Variants in RBFOX3 observed in about 807,000 individuals in gnomAD.
RBFOX3 encodes the protein RNA binding fox-1 homolog 3, also known as RNA binding protein fox-1 homolog 3.
Under a neutral mutation model 48.7 loss-of-function variants are expected in RBFOX3, and 17 were observed. The observed-to-expected ratio is 0.35, with a 90% CI of 0.24 to 0.52. RBFOX3 has a LOEUF of 0.52. Among genes scored for constraint, RBFOX3 ranks in the 20% least tolerant of loss-of-function variants. The pLI is 0.94. For synonymous variants in RBFOX3, 212 were observed against 209.5 expected, an observed-to-expected ratio of 1.01 and a Z score of -0.10; for missense variants, 382 against 497.5, an observed-to-expected ratio of 0.77 and a Z score of 2.21.
At chr17:79,190,432 C>CAAA (rs58432390) in intron 4 of RBFOX3, among the ~76,000 whole-genome samples, 1 of 114,736 alleles carries the variant, frequency 8.7e-6, no homozygotes, top group Non-Finnish European at 1.8e-5. Context: ...AAAAAAAAAA[C>CAAA]AAAAAAACAG....
At chr17:79,152,108 C>A (rs1423589021) in intron 4 of RBFOX3, among the ~76,000 whole-genome samples, 4 of 152,040 alleles carry the variant, frequency 2.6e-5, no homozygotes, top group Non-Finnish European at 4.4e-5. Context: ...TGGACTAGAG[C>A]CAGTCTCAAC....
chr17:79,569,160 T>A (rs879083453), intron 1 of RBFOX3, among the ~76,000 whole-genome samples: 102,160 of 151,818 alleles, frequency 0.67, 34,873 homozygotes, highest in East Asian at 0.94. Context: ...TATCAAATGT[T>A]GTGCACCCAT....
At chr17:79,563,001 G>T (rs972135189) in intron 1 of RBFOX3, among the ~76,000 whole-genome samples, 5 of 152,224 alleles carry the variant, frequency 3.3e-5, no homozygotes, top group African/African-American at 1.2e-4. Flanking sequence ...TGGAGATGAG[G>T]CCCTGTGCCA....
At position 79,303,123 on chromosome 17, in the gene RBFOX3, C is replaced by T. The variant is rs116676518; in HGVS notation, c.-74+4601G>A. On this transcript the variant is annotated intron_variant, in intron 3 of 14. Transcript: ENST00000693108. ...ACTTGGGAGGCTGAGGTCGGAGGAT[C>T]GCTTGGGCCTAGGGGTAGAGGCTGT... is the stretch of plus-strand genomic sequence containing the variant. Among the ~76,000 whole-genome samples, 494 of 152,228 alleles carry T rather than the reference C, an allele frequency of 3.2e-3. 4 individuals carry two copies. Among genetic ancestry groups the T allele is most frequent in the African/African-American group, 0.011 (473 of 41,524 alleles).
chr17:79,290,729 A>G (rs1353739958), intron 3 of RBFOX3, among the ~76,000 whole-genome samples: 2 of 152,196 alleles, frequency 1.3e-5, no homozygotes, highest in Admixed American at 1.3e-4. Context: ...GCAGACGGAC[A>G]GGCATAGTTA....
the RBFOX3 span, among the ~76,000 whole-genome samples, chr17:79,620,218 G>A: frequency 3.7e-5 from 4 of 108,770 alleles, no homozygotes; most frequent in Admixed American, 2.9e-4. Flanking sequence ...TGCACACACA[G>A]GGACATGCAC....
At chr17:79,359,065 G>C (rs2085790282) in intron 2 of RBFOX3, among the ~76,000 whole-genome samples, 1 of 152,190 alleles carries the variant, frequency 6.6e-6, no homozygotes, top group Admixed American at 6.5e-5. Context: ...ACCAGGCCAG[G>C]TGTATCCATC....
At chr17:79,317,616 C>T (rs569764275) in intron 2 of RBFOX3, among the ~76,000 whole-genome samples, 7 of 152,310 alleles carry the variant, frequency 4.6e-5, no homozygotes, top group African/African-American at 1.7e-4. Context: ...TGGTCTCAAA[C>T]TCAAAGGGGA....
chr17:79,405,893 C>T (rs1439162663), intron 2 of RBFOX3, among the ~76,000 whole-genome samples: 2 of 152,228 alleles, frequency 1.3e-5, no homozygotes, highest in African/African-American at 4.8e-5. Context: ...CACTGTTTTC[C>T]ACCACCTCTG....
At position 79,195,897 on chromosome 17, in the gene RBFOX3, TAGA is replaced by T. The variant is rs371767155; in HGVS notation, c.-34+39866_-34+39868del. ...AGCTTATTGATTTTTCTCTCCGAGGTAGAAGGAGAGGCCTCGGAAATGCCATTC... is the reference window on the plus strand; with the variant it reads ...AGCTTATTGATTTTTCTCTCCGAGGTAGGAGAGGCCTCGGAAATGCCATTC... On this transcript the variant is annotated intron_variant, in intron 4 of 14. Transcript: ENST00000693108. The surrounding 1 kb of genome is among the most constrained non-coding windows in gnomAD (Gnocchi z 5.3). Among the ~76,000 whole-genome samples the T allele has an allele frequency of 1.3e-3, 193 of 152,242 alleles. 3 individuals carry two copies. In the East Asian group the frequency reaches 0.023, roughly 18 times the overall value.
rs538064428 is a variant in RBFOX3 at position 79,140,630 on chromosome 17, A to C, written c.-33-24882T>G. ...CCACAGCTCGGAAGCACAGCATGAC[A>C]GACCAACCCAGGCGTGTGCCACAGA... On this transcript the variant is annotated intron_variant, in intron 4 of 14. Transcript: ENST00000693108. Among the ~76,000 whole-genome samples, 21 of 152,378 alleles carry C rather than the reference A, an allele frequency of 1.4e-4. No individual in the cohort carries two copies. The East Asian group carries it at 4.0e-3, about 29-fold the overall frequency.
At chr17:79,107,100 C>A (rs1202884047) in intron 5 of RBFOX3, among the ~76,000 whole-genome samples, 2 of 152,248 alleles carry the variant, frequency 1.3e-5, no homozygotes, top group Non-Finnish European at 2.9e-5. Context: ...CAGCCCAGGC[C>A]TGTCCACAGA....
At chr17:79,177,279 A>C (rs1420962820) in intron 4 of RBFOX3, among the ~76,000 whole-genome samples, 1 of 151,694 alleles carries the variant, frequency 6.6e-6, no homozygotes, top group Non-Finnish European at 1.5e-5. Context: ...TTGTGTCCCC[A>C]GGACCAGAGG....
At chr17:79,534,380 C>T (rs782492037) in intron 1 of RBFOX3, among the ~76,000 whole-genome samples, 2 of 152,158 alleles carry the variant, frequency 1.3e-5, no homozygotes, top group Admixed American at 1.3e-4. Flanking sequence ...CATTCCCCGG[C>T]GAGATGCTCA....
intron 4 of RBFOX3, among the ~76,000 whole-genome samples, chr17:79,223,434 C>T (rs1040950045): frequency 1.5e-4 from 23 of 152,370 alleles, no homozygotes; most frequent in African/African-American, 5.3e-4. Context: ...GCAGAACCTT[C>T]CCCTGGAAAT....
Position 79,473,118 on chromosome 17 carries a change from A to G in RBFOX3, c.-175+9336T>C, listed in dbSNP as rs1555757937. On this transcript the variant is annotated intron_variant, in intron 2 of 14. Transcript: ENST00000693108. The surrounding 1 kb of genome is among the most constrained non-coding windows in gnomAD (Gnocchi z 4.2). ...CACAAAGCCCAGGTTCTTAACGATTAGACTCATCAGACCTAAAACGACTCC... is the reference window on the plus strand; with the variant it reads ...CACAAAGCCCAGGTTCTTAACGATTGGACTCATCAGACCTAAAACGACTCC... Among the ~76,000 whole-genome samples, 5 of 152,368 alleles carry G rather than the reference A, an allele frequency of 3.3e-5. No homozygotes were observed. Among genetic ancestry groups the G allele is most frequent in the African/African-American group, 1.2e-4 (5 of 41,592 alleles).
chr17:79,217,808 C>A (rs553462000), intron 4 of RBFOX3, among the ~76,000 whole-genome samples: 1 of 152,124 alleles, frequency 6.6e-6, no homozygotes, highest in African/African-American at 2.4e-5. Context: ...TGGAACAAGC[C>A]CAAAGGAGAA....
intron 3 of RBFOX3, among the ~76,000 whole-genome samples, chr17:79,281,426 G>C (rs2070461521): frequency 6.6e-6 from 1 of 151,386 alleles, no homozygotes; most frequent in East Asian, 1.9e-4. Context: ...TTGTGGTTTA[G>C]CTTGGATGCA....
intron 2 of RBFOX3, among the ~76,000 whole-genome samples, chr17:79,411,451 T>C (rs67751003): frequency 0.038 from 5,768 of 152,216 alleles, 154 homozygotes; most frequent in South Asian, 0.074. Context: ...GGGGAGCGTG[T>C]TCAGCCTTGG....
Sources: gnomAD v4.1 joint callset for allele counts (sites outside exome capture counted in the v4.1 genomes callset) on GRCh38, gnomAD v4.1.1 for gene constraint, Gnocchi (gnomAD v3.1) non-coding constraint, MANE v1.5 for transcripts, NCBI Gene and HGNC (gene_info 2026-07-23, HGNC 2026-07-21) for gene names.